GALNT2: variants seen among roughly 807,000 people sequenced by gnomAD.
GALNT2 encodes polypeptide N-acetylgalactosaminyltransferase 2, also known as UDP-GalNAc:polypeptide N-acetylgalactosaminyltransferase 2.
GALNT2 carries 31 observed loss-of-function variants against 81.4 expected under a neutral mutation model. The ratio of observed to expected loss-of-function variants is 0.38; its 90% CI spans 0.29 to 0.51. The LOEUF (loss-of-function observed/expected upper bound fraction) is 0.51, where lower values mean the gene tolerates loss of function less well. Ranked by LOEUF, GALNT2 falls within the 20% of genes least tolerant of loss-of-function variation. The pLI is 0.87. For synonymous variants in GALNT2, 303 were observed against 287.4 expected (o/e 1.05, Z -0.55); for missense variants, 629 against 765.7 (o/e 0.82, Z 2.11).
intron 1 of GALNT2, among the ~76,000 whole-genome samples, chr1:230,108,028 C>T (rs1462763470): frequency 6.6e-6 from 1 of 152,126 alleles, no homozygotes; most frequent in East Asian, 1.9e-4. Context: ...CAGGTATTGC[C>T]CAGGCTTGGG....
intron 3 of GALNT2, among the ~76,000 whole-genome samples, chr1:230,227,096 A>G (rs10864733): frequency 0.11 from 16,547 of 152,192 alleles, 1,852 homozygotes; most frequent in East Asian, 0.57. Context: ...GTATACTTTT[A>G]TGTAAATAAA....
chr1:230,273,443 C>G (rs1318621842), intron 14 of GALNT2, among the ~76,000 whole-genome samples: 1 of 152,144 alleles, frequency 6.6e-6, no homozygotes, highest in Non-Finnish European at 1.5e-5. Flanking sequence ...ATAGTGAGTC[C>G]CTGTGGGGTT....
intron 1 of GALNT2, among the ~76,000 whole-genome samples, chr1:230,103,224 A>G (rs1660450827): frequency 6.6e-6 from 1 of 152,204 alleles, no homozygotes; most frequent in Admixed American, 6.5e-5. Context: ...CTGGATTTCA[A>G]GGAGTCAGTC....
At chr1:230,080,933 T>A (rs1332164015) in intron 1 of GALNT2, among the ~76,000 whole-genome samples, 1 of 152,208 alleles carries the variant, frequency 6.6e-6, no homozygotes, top group Non-Finnish European at 1.5e-5. Flanking sequence ...GGGGAGGTGT[T>A]GACACGGGTT....
intron 3 of GALNT2, among the ~76,000 whole-genome samples, chr1:230,225,669 G>C (rs1455615417): frequency 6.7e-6 from 1 of 150,006 alleles, no homozygotes; most frequent in Non-Finnish European, 1.5e-5. Context: ...TCTGGAGGAG[G>C]CAGAGTTTTT....
In GALNT2 at chr1:230,279,589, T is replaced by A; in HGVS notation, c.*131T>A. ...TCAGTATTCCATCATGGTCTGAAAG[T>A]CAAACTTCGGCAAGGCACGGACGAC... is the stretch of plus-strand genomic sequence containing the variant. On this transcript the variant is annotated 3_prime_UTR_variant, in exon 16 of 16. Transcript: ENST00000366672. This position sits in a 1 kb window ranked among gnomAD's most constrained non-coding sequence, Gnocchi z 4.6. 1 of 1,228,862 alleles carries A rather than the reference T, an allele frequency of 8.1e-7. No individual in the cohort carries two copies. The highest frequency in any genetic ancestry group is 1.1e-6 in the Non-Finnish European group (1 of 901,410). The allele number at this position is 1,228,862 out of a possible 1,614,324, so 76.1% of individuals were successfully genotyped here. A position where few individuals can be genotyped will look rare whatever the true frequency, so the allele number is the denominator to read the frequency against.
At chr1:230,160,540 C>T (rs940456164) in intron 1 of GALNT2, among the ~76,000 whole-genome samples, 10 of 151,980 alleles carry the variant, frequency 6.6e-5, no homozygotes, top group African/African-American at 1.9e-4. Flanking sequence ...GGTGAAACCC[C>T]GTCTCTACTA....
Position 230,195,093 on chromosome 1 carries a change from G to A in GALNT2, c.221-8044G>A, listed in dbSNP as rs193170026. On this transcript the variant is annotated intron_variant, in intron 2 of 15. Transcript: ENST00000366672. The stretch of plus-strand genomic sequence containing the variant: ...AGTCTGAGTCAGGTGGAGAGAGACA[G>A]GACTCATTTTAAACGGCTTTCAGTG... Among the ~76,000 whole-genome samples the A allele has an allele frequency of 1.6e-3, 248 of 152,350 alleles. 1 individual carries two copies. The Middle Eastern group carries it at 0.017, about 10-fold the overall frequency.
chr1:230,202,649 G>C (rs1308367671), intron 2 of GALNT2, among the ~76,000 whole-genome samples: 1 of 152,202 alleles, frequency 6.6e-6, no homozygotes, highest in Admixed American at 6.5e-5. Context: ...TCTCACCAAA[G>C]GGTATTTTGA....
intron 3 of GALNT2, among the ~76,000 whole-genome samples, chr1:230,234,167 A>G (rs747527288): frequency 4.6e-5 from 7 of 152,190 alleles, no homozygotes; most frequent in Non-Finnish European, 8.8e-5. Flanking sequence ...TGGTTAATGT[A>G]GATTCCAGAG....
chr1:230,092,186 T>TTTTTTTTTTTTTG (rs1434723096), intron 1 of GALNT2, among the ~76,000 whole-genome samples: 7 of 6,816 alleles, frequency 1.0e-3, no homozygotes, highest in South Asian at 6.5e-3. Context: ...GTTTTTTTTT[T>TTTTTTTTTTTTTG]TTTTTTTTTT....
chr1:230,253,182 A>T (rs950328441), intron 10 of GALNT2, among the ~76,000 whole-genome samples: 12 of 152,210 alleles, frequency 7.9e-5, no homozygotes, highest in Non-Finnish European at 1.8e-4. Context: ...AACTGTAAAA[A>T]GTAAAGTCGG....
intron 1 of GALNT2, among the ~76,000 whole-genome samples, chr1:230,162,809 A>G (rs1336297433): frequency 2.0e-5 from 3 of 152,206 alleles, no homozygotes; most frequent in African/African-American, 4.8e-5. Context: ...ATCTAGATGG[A>G]CAGGCCTTGC....
chr1:230,064,557 G>C (rs982131144), upstream of GALNT2, among the ~76,000 whole-genome samples: 2 of 152,222 alleles, frequency 1.3e-5, no homozygotes, highest in Non-Finnish European at 2.9e-5. Flanking sequence ...GTCTCGCTCT[G>C]TCACCCAGGC....
Position 230,070,537 on chromosome 1 carries a change from TA to T in GALNT2, c.126+3133del, listed in dbSNP as rs1659341439. ...GCCTGTGTGCCTGCATGCTGGGAGG[TA>T]AGGGACGGTGTTAGTTGAGGGACAT... On this transcript the variant is annotated intron_variant, in intron 1 of 15. Transcript: ENST00000366672. This position sits in a 1 kb window ranked among gnomAD's most constrained non-coding sequence, Gnocchi z 4.7. Among the ~76,000 whole-genome samples, 1 of 151,766 alleles carries T rather than the reference TA, an allele frequency of 6.6e-6. No homozygotes were observed. Among genetic ancestry groups the T allele is most frequent in the Non-Finnish European group, 1.5e-5 (1 of 67,972 alleles).
chr1:230,229,636 G>A (rs995348173), intron 3 of GALNT2, among the ~76,000 whole-genome samples: 1 of 152,174 alleles, frequency 6.6e-6, no homozygotes, highest in Non-Finnish European at 1.5e-5. Context: ...CTGCAGCGTT[G>A]TTTCTAATGG....
At chr1:230,116,692 G>A (rs1660859015) in intron 1 of GALNT2, among the ~76,000 whole-genome samples, 2 of 152,300 alleles carry the variant, frequency 1.3e-5, no homozygotes, top group Admixed American at 6.5e-5. Context: ...ATCAGTAGTA[G>A]TCTTTTGACA....
At chr1:230,084,154 C>T (rs999435129) in intron 1 of GALNT2, among the ~76,000 whole-genome samples, 3 of 152,198 alleles carry the variant, frequency 2.0e-5, no homozygotes, top group African/African-American at 7.2e-5. Context: ...GAGGCCAGCA[C>T]AGGCTTGGCC....
At chr1:230,110,829 G>A (rs60031901) in intron 1 of GALNT2, among the ~76,000 whole-genome samples, 7,288 of 151,620 alleles carry the variant, frequency 0.048, 539 homozygotes, top group East Asian at 0.32. Context: ...CAGCCTGACC[G>A]TGGAAAACTG....
Sources: allele counts gnomAD v4.1 joint callset (sites outside exome capture counted in the v4.1 genomes callset), GRCh38; gene constraint gnomAD v4.1.1; non-coding constraint Gnocchi (gnomAD v3.1); transcripts MANE v1.5; gene names NCBI Gene and HGNC (gene_info 2026-07-23, HGNC 2026-07-21).